Variants in CNBD1 observed in about 807,000 individuals in gnomAD.
CNBD1 encodes cyclic nucleotide-binding domain-containing protein 1.
CNBD1 carries 71 observed loss-of-function variants against 54.4 expected under a neutral mutation model. The observed-to-expected ratio is 1.30, with a 90% CI of 1.08 to 1.59. The LOEUF (loss-of-function observed/expected upper bound fraction) is 1.59. CNBD1 is among the 40% of genes most tolerant of loss of function. The pLI is 0.00. For missense variants in CNBD1, 659 were observed against 518.0 expected, an observed-to-expected ratio of 1.27 and a Z score of -2.64; for synonymous variants, 182 against 170.7, an observed-to-expected ratio of 1.07 and a Z score of -0.51.
rs893344513 is a variant in CNBD1, at chr8:87,228,592, G to C, written c.578-8327G>C. ...AGGGACCCACTTGAGGAGGCAGTCCGCCCGTTCTCAGATCTCCAGCTGCGT... is the reference window on the plus strand; with the variant it reads ...AGGGACCCACTTGAGGAGGCAGTCCCCCCGTTCTCAGATCTCCAGCTGCGT... On this transcript the variant is annotated intron_variant, in intron 5 of 10. Coordinates refer to ENST00000518476, the MANE Select transcript of CNBD1 (RefSeq NM_173538.3). Among the ~76,000 whole-genome samples, 4 of 151,018 alleles carry C rather than the reference G, an allele frequency of 2.6e-5. No homozygotes were observed. In the East Asian group the frequency reaches 5.8e-4, roughly 22 times the overall value.
chr8:86,934,440 C>CA (rs929356064), intron 3 of CNBD1, among the ~76,000 whole-genome samples: 10 of 152,008 alleles, frequency 6.6e-5, no homozygotes, highest in Non-Finnish European at 1.0e-4. Flanking sequence ...ACGTCATCTG[C>CA]AAAAAATAAC....
chr8:87,424,371 G>T (rs904224119), intron 2 of CNBD1, among the ~76,000 whole-genome samples: 22 of 152,180 alleles, frequency 1.4e-4, no homozygotes, highest in African/African-American at 4.8e-4. Context: ...TGATGTTAGG[G>T]TGTCAATTTT....
chr8:86,936,181 A>G (rs1792181337), intron 3 of CNBD1, among the ~76,000 whole-genome samples: 1 of 152,152 alleles, frequency 6.6e-6, no homozygotes, highest in South Asian at 2.1e-4. Flanking sequence ...AATTTGTTTT[A>G]TCTGTGCCTC....
intron 4 of CNBD1, among the ~76,000 whole-genome samples, chr8:87,091,050 G>A (rs1251250898): frequency 6.8e-6 from 1 of 147,524 alleles, no homozygotes; most frequent in Non-Finnish European, 1.5e-5. Flanking sequence ...TGAGGCAGGA[G>A]AATCACTTGA....
intron 1 of CNBD1, among the ~76,000 whole-genome samples, chr8:86,882,861 T>C (rs10955088): frequency 0.48 from 73,110 of 151,956 alleles, 17,846 homozygotes; most frequent in East Asian, 0.56. Context: ...TAAGATTATG[T>C]CCTTCACAGG....
chr8:87,325,705 G>A (rs1314098128), intron 8 of CNBD1, among the ~76,000 whole-genome samples: 2 of 141,760 alleles, frequency 1.4e-5, no homozygotes, highest in African/African-American at 2.7e-5. Flanking sequence ...GTCTCTGCAT[G>A]TGAGATGGGT....
At chr8:87,394,178 A>G (rs915468188) in intron 2 of CNBD1, among the ~76,000 whole-genome samples, 1 of 151,910 alleles carries the variant, frequency 6.6e-6, no homozygotes, top group African/African-American at 2.4e-5. Context: ...TGGACTATTT[A>G]AAATCAGAAT....
chr8:87,095,668 T>G (rs1367297135), intron 4 of CNBD1, among the ~76,000 whole-genome samples: 1 of 152,094 alleles, frequency 6.6e-6, no homozygotes, highest in African/African-American at 2.4e-5. Context: ...GTTCTCGTCT[T>G]TTTTTTTGAG....
chr8:87,425,567 A>C (rs1396816008), intron 2 of CNBD1, among the ~76,000 whole-genome samples: 1 of 152,006 alleles, frequency 6.6e-6, no homozygotes, highest in African/African-American at 2.4e-5. Context: ...GGTCTGTTGG[A>C]GTACCCTGCA....
intron 2 of CNBD1, among the ~76,000 whole-genome samples, chr8:86,893,922 TCCAGGACTA>T (rs1459044315): frequency 6.6e-6 from 1 of 151,820 alleles, no homozygotes; most frequent in African/African-American, 2.4e-5. Flanking sequence ...ATTACCTGAA[TCCAGGACTA>T]CCAAACTTAT....
At chr8:86,957,452 C>A (rs1046333488) in intron 4 of CNBD1, among the ~76,000 whole-genome samples, 1 of 152,156 alleles carries the variant, frequency 6.6e-6, no homozygotes, top group South Asian at 2.1e-4. Context: ...GTGAATCCAG[C>A]TGGTCCTGGA....
At chr8:87,274,670 C>A (rs1808439299) in intron 6 of CNBD1, among the ~76,000 whole-genome samples, 1 of 133,336 alleles carries the variant, frequency 7.5e-6, no homozygotes, top group Non-Finnish European at 1.6e-5. Context: ...TGGATATTAG[C>A]CCTTTGTCAG....
chr8:87,335,273 C>T (rs1187885916), intron 8 of CNBD1, among the ~76,000 whole-genome samples: 7 of 152,052 alleles, frequency 4.6e-5, no homozygotes, highest in Admixed American at 1.3e-4. Context: ...AATTTTCTGT[C>T]TTGTTAATCT....
chr8:87,125,414 G>A (rs755259795), intron 4 of CNBD1, among the ~76,000 whole-genome samples: 11 of 151,584 alleles, frequency 7.3e-5, no homozygotes, highest in Admixed American at 2.0e-4. Flanking sequence ...ATAGCATGGC[G>A]CCTGCATACA....
chr8:87,125,276 T>TA (rs1289627399), intron 4 of CNBD1, among the ~76,000 whole-genome samples: 10 of 151,718 alleles, frequency 6.6e-5, no homozygotes, highest in South Asian at 4.2e-4. Flanking sequence ...TTCACAGTAA[T>TA]AAAAAAATCA....
At chr8:87,427,150 A>G (rs1808064518) in intron 2 of CNBD1, among the ~76,000 whole-genome samples, 1 of 151,990 alleles carries the variant, frequency 6.6e-6, no homozygotes, top group South Asian at 2.1e-4. Flanking sequence ...TTCCTGATAT[A>G]TGTGCTTTCA....
chr8:87,379,815 G>C (rs1018887268), intron 10 of CNBD1, among the ~76,000 whole-genome samples: 1 of 151,898 alleles, frequency 6.6e-6, no homozygotes, highest in Non-Finnish European at 1.5e-5. Context: ...TAAGGAAGTT[G>C]AAGTAGAATT....
chr8:87,321,576 A>G (rs545198524), intron 8 of CNBD1, among the ~76,000 whole-genome samples: 3 of 152,112 alleles, frequency 2.0e-5, no homozygotes, highest in Non-Finnish European at 4.4e-5. Context: ...TGTTCCTTAT[A>G]TATTTTGAAT....
rs187939023 is a variant in CNBD1 at position 87,427,548 on chromosome 8, A to C, written c.214-998A>C. 3.9e-5 allele frequency among the ~76,000 whole-genome samples: 6 copies of C among 152,326 alleles called. No individual in the cohort carries two copies. In the East Asian group the frequency reaches 1.2e-3, roughly 29 times the overall value. On this transcript the variant is annotated intron_variant, in intron 2 of 7. Transcript: ENST00000521593. ...GATTACATAAGCCTAGGGAATAAAAATGATCAAAACAGTTTGCCCAACTAT... is the reference window on the plus strand; with the variant it reads ...GATTACATAAGCCTAGGGAATAAAACTGATCAAAACAGTTTGCCCAACTAT...
Sources: allele counts gnomAD v4.1 joint callset (sites outside exome capture counted in the v4.1 genomes callset), GRCh38; gene constraint gnomAD v4.1.1; transcripts MANE v1.5; gene names NCBI Gene and HGNC (gene_info 2026-07-23, HGNC 2026-07-21).